SCN10A: variants seen among roughly 807,000 people sequenced by gnomAD.
SCN10A encodes the protein sodium voltage-gated channel alpha subunit 10, also known as sodium channel protein type 10 subunit alpha.
A neutral mutation model predicts 170.7 loss-of-function variants in SCN10A; 162 were observed. The observed-to-expected ratio is 0.95, with a 90% confidence interval of 0.84 to 1.08. SCN10A has a LOEUF of 1.08. SCN10A is among the 50% of genes least tolerant of loss of function. SCN10A has a pLI of 0.00. For missense variants in SCN10A, 2,527 were observed against 2,436.9 expected (o/e 1.04, Z -0.78); for synonymous variants, 985 against 904.6 (o/e 1.09, Z -1.59).
chr3:38,764,880 A>AT (rs1465554704), intron 5 of SCN10A, among the ~76,000 whole-genome samples: 9 of 151,936 alleles, frequency 5.9e-5, no homozygotes, highest in African/African-American at 1.9e-4. Flanking sequence ...AACATCTATT[A>AT]TTTTTTGGTT....
chr3:38,809,184 G>A (rs2064424158), intron 1 of SCN10A, among the ~76,000 whole-genome samples: 1 of 152,194 alleles, frequency 6.6e-6, no homozygotes, highest in Admixed American at 6.5e-5. Context: ...GGACTGGGTT[G>A]GATCACACAC....
At chr3:38,716,822 T>G (rs2063339002) in intron 21 of SCN10A, among the ~76,000 whole-genome samples, 1 of 151,540 alleles carries the variant, frequency 6.6e-6, no homozygotes, top group Non-Finnish European at 1.5e-5. Flanking sequence ...GATGGGGAGC[T>G]GGACAGAATA....
At chr3:38,723,352 T>C in intron 19 of SCN10A, 78 bp downstream of exon 19, 1 of 1,551,948 alleles carries the variant, frequency 6.4e-7, no homozygotes, top group Non-Finnish European at 8.9e-7. Context: ...CTTCTGTGGA[T>C]CCCAGGTGAG....
rs183202268 is a variant in SCN10A at position 38,807,103 on chromosome 3, C to A, written c.-33+8934G>T. On this transcript the variant is annotated intron_variant, in intron 1 of 27. Coordinates refer to ENST00000449082, the MANE Select transcript of SCN10A (RefSeq NM_006514.4). ...GCCTGGAAAACAGTGTGAGTTCTTA[C>A]AGTTTTTAAAGCTGTGGATTAATAT... 3.3e-5 allele frequency among the ~76,000 whole-genome samples: 5 copies of A among 152,268 alleles called. No individual in the cohort carries two copies. The East Asian group carries it at 9.6e-4, about 29-fold the overall frequency.
chr3:38,777,926 A>C (rs1472631838), intron 4 of SCN10A, among the ~76,000 whole-genome samples: 1 of 152,140 alleles, frequency 6.6e-6, no homozygotes, highest in Non-Finnish European at 1.5e-5. Context: ...TGAAATACCT[A>C]AATGTAGAAA....
intron 1 of SCN10A, among the ~76,000 whole-genome samples, chr3:38,799,176 T>A (rs191390549): frequency 1.7e-3 from 252 of 152,312 alleles, no homozygotes; most frequent in Non-Finnish European, 2.4e-3. Context: ...GATCTCTGAA[T>A]ACTAACCTGA....
chr3:38,723,378 AT>A (rs2063415278), intron 19 of SCN10A, 51 bp downstream of exon 19: 2 of 1,609,848 alleles, frequency 1.2e-6, no homozygotes, highest in Non-Finnish European at 1.7e-6. Context: ...GCTCAACTGG[AT>A]TCTGGCCCTA....
intron 21 of SCN10A, among the ~76,000 whole-genome samples, chr3:38,716,108 CTGAG>C (rs2063331391): frequency 6.6e-6 from 1 of 152,070 alleles, no homozygotes; most frequent in East Asian, 1.9e-4. Flanking sequence ...TTTTTGCTCG[CTGAG>C]TAATTATAGC....
At chr3:38,715,565 C>T (rs1479201881) in intron 21 of SCN10A, among the ~76,000 whole-genome samples, 1 of 152,208 alleles carries the variant, frequency 6.6e-6, no homozygotes, top group African/African-American at 2.4e-5. Flanking sequence ...TGTGTCTGTG[C>T]CTTTGTTCAA....
intron 1 of SCN10A, among the ~76,000 whole-genome samples, chr3:38,805,608 C>T (rs977549094): frequency 1.3e-5 from 2 of 152,080 alleles, no homozygotes. Flanking sequence ...GGACACCGGA[C>T]ATATGAGTAA....
At chr3:38,747,395 A>AT (rs1280138818) in intron 13 of SCN10A, among the ~76,000 whole-genome samples, 1 of 152,170 alleles carries the variant, frequency 6.6e-6, no homozygotes, top group Non-Finnish European at 1.5e-5. Context: ...GCCCTCATAG[A>AT]TTTTACAACC....
rs528745360 is a variant in SCN10A, at chr3:38,752,568, A to G, written c.1462-56T>C. Reference sequence around the variant, plus strand: ...TGGAAACTGGTCCTCTGGGAAATCTAGAGCCCAACACTTCCCTCTACCTAC... The same window carrying G: ...TGGAAACTGGTCCTCTGGGAAATCTGGAGCCCAACACTTCCCTCTACCTAC... On this transcript the variant is annotated intron_variant, in intron 11 of 27. Transcript: ENST00000449082. 2.8e-6 allele frequency: 4 copies of G among 1,420,162 alleles called. No individual in the cohort carries two copies. The South Asian group carries it at 5.9e-5, about 21-fold the overall frequency. 88.0% of individuals were successfully genotyped at this position (1,420,162 alleles called of 1,614,324 possible).
chr3:38,721,292 C>T (rs537313785), intron 20 of SCN10A, among the ~76,000 whole-genome samples: 3 of 152,312 alleles, frequency 2.0e-5, no homozygotes, highest in South Asian at 2.1e-4. Context: ...ATCGGAAGAG[C>T]GGGACTGTAG....
chr3:38,771,583 A>G (rs1375907512), intron 4 of SCN10A, among the ~76,000 whole-genome samples, 176 bp from the exon 5 acceptor site: 2 of 152,190 alleles, frequency 1.3e-5, no homozygotes, highest in African/African-American at 4.8e-5. Context: ...ACACAGACTG[A>G]GGGAAAAAGA....
At chr3:38,757,231 C>T (rs2063819174) in intron 8 of SCN10A, 72 bp from the exon 9 acceptor site, 2 of 1,457,160 alleles carry the variant, frequency 1.4e-6, no homozygotes, top group Admixed American at 4.5e-5. Context: ...GAGACAACCA[C>T]AGAGTTTTAT....
At chr3:38,793,667 A>G (rs2064313409) in intron 2 of SCN10A, 74 bp downstream of exon 2, 1 of 1,508,126 alleles carries the variant, frequency 6.6e-7, no homozygotes, top group Non-Finnish European at 9.0e-7. Flanking sequence ...GCCAAGGAGG[A>G]CTTTCTGGGC....
chr3:38,713,262 A>C (rs892081060), intron 22 of SCN10A, among the ~76,000 whole-genome samples: 1 of 152,178 alleles, frequency 6.6e-6, no homozygotes, highest in Non-Finnish European at 1.5e-5. Context: ...AGGAGAGAAG[A>C]AGCATTCCAG....
At chr3:38,769,039 C>T (rs549015878) in intron 5 of SCN10A, among the ~76,000 whole-genome samples, 19 of 152,122 alleles carry the variant, frequency 1.2e-4, no homozygotes, top group African/African-American at 4.6e-4. Context: ...TTGTTCTAGT[C>T]TATTGTTGAA....
Position 38,761,423 on chromosome 3 carries a change from T to C in SCN10A, c.692-40A>G, listed in dbSNP as rs186659213. 8.4e-6 allele frequency: 13 copies of C among 1,555,094 alleles called. No individual in the cohort carries two copies. The East Asian group carries it at 2.7e-4, about 32-fold the overall frequency. On this transcript the variant is annotated intron_variant, in intron 6 of 27. Coordinates refer to ENST00000449082, the MANE Select transcript of SCN10A (RefSeq NM_006514.4). ...CAGTGGTATGACCACATGGATGAGG[T>C]AGCACACACGGAGCACACTTCTTCA...
Sources: gnomAD v4.1 joint callset for allele counts (sites outside exome capture counted in the v4.1 genomes callset) on GRCh38, gnomAD v4.1.1 for gene constraint, MANE v1.5 for transcripts, NCBI Gene and HGNC (gene_info 2026-07-23, HGNC 2026-07-21) for gene names.